The following GAK variants were observed in gnomAD, a reference collection of about 807,000 sequenced individuals.
GAK encodes the protein cyclin-G-associated kinase.
GAK carries 79 observed loss-of-function variants against 143.9 expected under a neutral mutation model. The observed-to-expected ratio is 0.55, with a 90% CI of 0.46 to 0.66. The LOEUF (loss-of-function observed/expected upper bound fraction) is 0.66. Among genes scored for constraint, GAK ranks in the 30% least tolerant of loss-of-function variants. The pLI is 0.00. For missense variants in GAK, 1,693 were observed against 1,779.7 expected, an observed-to-expected ratio of 0.95 and a Z score of 0.88; for synonymous variants, 881 against 765.5, an observed-to-expected ratio of 1.15 and a Z score of -2.49.
intron 5 of GAK, among the ~76,000 whole-genome samples, chr4:899,922 C>A (rs948191845): frequency 6.6e-6 from 1 of 152,248 alleles, no homozygotes; most frequent in African/African-American, 2.4e-5. Flanking sequence ...ACCACTGGCC[C>A]CCGAGGAGAT....
chr4:873,728 G>A (rs75295122), intron 18 of GAK, among the ~76,000 whole-genome samples: 5,980 of 152,252 alleles, frequency 0.039, 140 homozygotes, highest in East Asian at 0.094. Context: ...TGGTCTGCAT[G>A]GTAAGCAATT....
In GAK at chr4:850,996, C is replaced by T; in HGVS notation, c.3597G>A (p.Lys1199=). Residue 1199 remains lysine, a synonymous_variant, in exon 26 of 28, where the codon AAG becomes AAA. Transcript: ENST00000314167. Reference sequence around the variant, plus strand: ...CCTGCTTCCTCATCTCTGCAATGGTCTTTGGCCCTTTCTTGTCAGACCTGG... The same window carrying T: ...CCTGCTTCCTCATCTCTGCAATGGTTTTTGGCCCTTTCTTGTCAGACCTGG... ...FSSRSDKKGP[K]TIAEMRKQDL... 1 of 1,614,130 alleles carries T rather than the reference C, an allele frequency of 6.2e-7. No homozygotes were observed. The highest frequency in any genetic ancestry group is 8.5e-7 in the Non-Finnish European group (1 of 1,180,002).
intron 23 of GAK, among the ~76,000 whole-genome samples, chr4:863,834 C>T (rs1405376594): frequency 6.6e-6 from 1 of 150,966 alleles, no homozygotes; most frequent in East Asian, 2.0e-4. Context: ...ACCAGCCCGA[C>T]CAACATAGTG....
chr4:931,658 G>A (rs1004600306), intron 1 of GAK, among the ~76,000 whole-genome samples: 2 of 152,002 alleles, frequency 1.3e-5, no homozygotes, highest in Non-Finnish European at 2.9e-5. Flanking sequence ...CTCCGCTGTG[G>A]GTCCCCACCC....
rs1205836030 is a variant in GAK, at chr4:849,906, C to T, written c.3820G>A (p.Val1274Met). 1.1e-5 allele frequency: 18 copies of T among 1,587,940 alleles called. No individual in the cohort carries two copies. Among genetic ancestry groups the T allele is most frequent in the East Asian group, 4.5e-5 (2 of 44,064 alleles). The change falls in exon 27 of 28, where the codon GTG (valine) becomes ATG (methionine). Residue 1274 changes from valine (V) to methionine (M), a missense_variant. Around this residue, in one of 2 missense-constraint regions of GAK, gnomAD observed 822 missense variants for 788.7 expected, o/e 1.04. Coordinates refer to ENST00000314167, the MANE Select transcript of GAK (RefSeq NM_005255.4). Reference sequence around the variant, plus strand: ...GCTCTGCTCACCTTGTCGGGGTGCACAGCCAGCACCGCGCGGCGATAGTGC... The same window carrying T: ...GCTCTGCTCACCTTGTCGGGGTGCATAGCCAGCACCGCGCGGCGATAGTGC... ...KKHYRRAVLAVHPDKAAGQPY... is the reference protein window; with the variant it reads ...KKHYRRAVLAMHPDKAAGQPY...
chr4:874,977 C>G (rs1052706838), intron 18 of GAK, among the ~76,000 whole-genome samples: 2 of 152,146 alleles, frequency 1.3e-5, no homozygotes, highest in Non-Finnish European at 2.9e-5. Context: ...TGTACTGAAG[C>G]CTTCATTTCG....
At chr4:870,934 A>C (rs1018100842) in intron 18 of GAK, 30 bp from the exon 19 acceptor site, 6 of 1,571,336 alleles carry the variant, frequency 3.8e-6, no homozygotes, top group Non-Finnish European at 5.2e-6. Flanking sequence ...CCACTTAGGA[A>C]GGCCACCCAA....
chr4:910,490 C>T (rs1380952072), intron 4 of GAK, among the ~76,000 whole-genome samples: 1 of 152,048 alleles, frequency 6.6e-6, no homozygotes, highest in Non-Finnish European at 1.5e-5. Flanking sequence ...TCAGAACCCC[C>T]TTGCTCGCCC....
intron 17 of GAK, 116 bp downstream of exon 17, chr4:876,973 CT>C (rs1404412102): frequency 1.4e-6 from 1 of 700,572 alleles, no homozygotes; most frequent in African/African-American, 1.8e-5. Flanking sequence ...GCCCACGGCA[CT>C]CACCAAACAG....
At chr4:880,706 T>C (rs1239483611) in intron 15 of GAK, among the ~76,000 whole-genome samples, 1 of 152,202 alleles carries the variant, frequency 6.6e-6, no homozygotes, top group Non-Finnish European at 1.5e-5. Flanking sequence ...CACAGGCACC[T>C]GACTCTCCTT....
intron 1 of GAK, among the ~76,000 whole-genome samples, chr4:923,943 G>C (rs1411249088): frequency 1.3e-5 from 2 of 152,128 alleles, no homozygotes; most frequent in Non-Finnish European, 2.9e-5. Flanking sequence ...CCAGCACTTT[G>C]GGAGGCCAAG....
chr4:890,472 G>A (rs370167688), intron 10 of GAK, 60 bp downstream of exon 10: 100 of 1,294,072 alleles, frequency 7.7e-5, no homozygotes, highest in Non-Finnish European at 9.4e-5. Flanking sequence ...AATGTGCTGC[G>A]GGTGCCCGGG....
intron 4 of GAK, among the ~76,000 whole-genome samples, chr4:907,626 G>A (rs908839655): frequency 2.0e-5 from 3 of 152,246 alleles, no homozygotes; most frequent in Non-Finnish European, 4.4e-5. Flanking sequence ...CCGGTATGTG[G>A]CTCTTCCCTC....
At position 867,250 on chromosome 4, in the gene GAK, C is replaced by A. The variant is rs202089349; in HGVS notation, c.2578G>T (p.Asp860Tyr). 2 of 1,613,132 alleles carry A rather than the reference C, an allele frequency of 1.2e-6. No homozygotes were observed. The highest frequency in any genetic ancestry group is 2.7e-5 in the African/African-American group (2 of 75,052). The change falls in exon 21 of 28, where the codon GAC becomes TAC. Residue 860 changes from aspartate to tyrosine, a missense_variant. Physicochemically the swap from Asp to Tyr is radical, Grantham distance 160. This residue lies in a region of GAK where 822 missense variants were observed against 788.7 expected (regional missense o/e 1.04). Coordinates refer to ENST00000314167, the MANE Select transcript of GAK (RefSeq NM_005255.4). ...GGTGTCTCCACCTCAAAAACCAAGT[C>A]CTGCTGCACCAGCCCTGCTGCCAGG... ...PGLAAGLVQQ[D>Y]LVFEVETPAV...
chr4:907,123 GC>G (rs1484841649), intron 4 of GAK, among the ~76,000 whole-genome samples: 1 of 152,222 alleles, frequency 6.6e-6, no homozygotes, highest in Admixed American at 6.5e-5. Flanking sequence ...GACAATGAAG[GC>G]ATGGTGTGAG....
intron 19 of GAK, chr4:869,260 CATGA>C (rs2152756657): frequency 6.5e-6 from 1 of 153,782 alleles, no homozygotes; most frequent in African/African-American, 2.5e-5. Flanking sequence ...GCAGGGTACA[CATGA>C]ATGCACACAC....
intron 24 of GAK, chr4:852,747 C>G (rs1748397824): frequency 6.6e-6 from 1 of 152,304 alleles, no homozygotes; most frequent in Admixed American, 6.6e-5. Flanking sequence ...TGGCCCGATC[C>G]TTTAACTTTT....
At chr4:890,348 T>A (rs1301958819) in intron 10 of GAK, among the ~76,000 whole-genome samples, 184 bp downstream of exon 10, 2 of 152,112 alleles carry the variant, frequency 1.3e-5, no homozygotes, top group Admixed American at 6.5e-5. Context: ...TTTGCTGAGC[T>A]CTGTGAGCCC....
At chr4:903,512 C>T (rs1253459458) in intron 5 of GAK, among the ~76,000 whole-genome samples, 2 of 151,950 alleles carry the variant, frequency 1.3e-5, no homozygotes, top group Non-Finnish European at 2.9e-5. Flanking sequence ...CTGTGGGGTC[C>T]AGGACTGCCC....
Sources: allele counts gnomAD v4.1 joint callset (sites outside exome capture counted in the v4.1 genomes callset), GRCh38; gene constraint gnomAD v4.1.1; regional missense constraint gnomAD v4.1.1; transcripts MANE v1.5; gene names NCBI Gene and HGNC (gene_info 2026-07-23, HGNC 2026-07-21).